The following PLB1 variants were observed in gnomAD, a reference collection of about 807,000 sequenced individuals.
PLB1 encodes phospholipase B1.
PLB1 carries 242 observed loss-of-function variants against 227.4 expected under a neutral mutation model. The ratio of observed to expected loss-of-function variants is 1.06; its 90% confidence interval spans 0.96 to 1.18. The LOEUF is 1.18. Ranked by LOEUF, PLB1 falls within the 50% of genes most tolerant of loss-of-function variation. PLB1 has a pLI of 0.00. For missense variants in PLB1, 1,858 were observed against 1,816.3 expected (o/e 1.02, Z -0.42); for synonymous variants, 757 against 682.2 (o/e 1.11, Z -1.71).
chr2:28,638,559 G>T (rs1219955016), intron 56 of PLB1, among the ~76,000 whole-genome samples: 1 of 152,064 alleles, frequency 6.6e-6, no homozygotes, highest in Non-Finnish European at 1.5e-5. Flanking sequence ...AGAGGAAGGG[G>T]GCTGAGAGTA....
chr2:28,535,477 C>G (rs899031501), intron 9 of PLB1, among the ~76,000 whole-genome samples: 14 of 152,374 alleles, frequency 9.2e-5, no homozygotes, highest in African/African-American at 3.4e-4. Flanking sequence ...CCACACTCAC[C>G]TCCTAGTGGT....
chr2:28,511,644 C>T (rs1382462149), intron 1 of PLB1, among the ~76,000 whole-genome samples: 1 of 152,164 alleles, frequency 6.6e-6, no homozygotes, highest in Non-Finnish European at 1.5e-5. Context: ...AGAACTACAC[C>T]TAGATACATA....
intron 17 of PLB1, among the ~76,000 whole-genome samples, chr2:28,562,051 G>A (rs1317461621): frequency 2.6e-5 from 4 of 152,150 alleles, no homozygotes; most frequent in African/African-American, 9.7e-5. Flanking sequence ...CAGAAAGCAA[G>A]TTTTTGGTTA....
intron 22 of PLB1, 73 bp from the exon 23 acceptor site, chr2:28,579,554 T>A: frequency 1.6e-6 from 2 of 1,216,488 alleles, no homozygotes. Flanking sequence ...TTTTCTAGTT[T>A]GCAAGCATTT....
intron 21 of PLB1, among the ~76,000 whole-genome samples, chr2:28,574,041 T>G (rs1678474358): frequency 1.3e-5 from 2 of 152,224 alleles, no homozygotes; most frequent in African/African-American, 4.8e-5. Context: ...TCAGCTTTCC[T>G]AGGTCCCATC....
chr2:28,496,388 C>T (rs1383091428), intron 1 of PLB1, among the ~76,000 whole-genome samples: 1 of 152,142 alleles, frequency 6.6e-6, no homozygotes, highest in East Asian at 1.9e-4. Flanking sequence ...GGGAGCGAGG[C>T]AGATCTTGGG....
intron 25 of PLB1, among the ~76,000 whole-genome samples, chr2:28,584,036 G>C (rs1324106061): frequency 6.6e-6 from 1 of 152,096 alleles, no homozygotes. Context: ...AGGTCACTGA[G>C]ACTGTGCTCC....
intron 43 of PLB1, 120 bp from the exon 44 acceptor site, chr2:28,613,911 A>G (rs753826247): frequency 4.8e-6 from 4 of 830,968 alleles, no homozygotes; most frequent in African/African-American, 1.7e-5. Context: ...AGTTCTTTCT[A>G]TATAAGTGCA....
Position 28,529,408 on chromosome 2 carries a change from G to T in PLB1, c.416+1G>T. On this transcript the variant is annotated splice_donor_variant, in intron 7 of 57. Coordinates refer to ENST00000327757, the MANE Select transcript of PLB1 (RefSeq NM_153021.5). LOFTEE classifies it high-confidence loss of function. ...GAGTCATACCCCACGATGGTGCTGAGTAAGTTCCCTTTCTGTCTCTCTCTG... is the reference window on the plus strand; with the variant it reads ...GAGTCATACCCCACGATGGTGCTGATTAAGTTCCCTTTCTGTCTCTCTCTG... 6.3e-7 allele frequency: 1 copy of T among 1,591,454 alleles called. No homozygotes were observed. Among genetic ancestry groups the T allele is most frequent in the Non-Finnish European group, 8.6e-7 (1 of 1,159,450 alleles).
At chr2:28,513,500 G>C (rs1668508773) in intron 1 of PLB1, among the ~76,000 whole-genome samples, 1 of 152,190 alleles carries the variant, frequency 6.6e-6, no homozygotes, top group South Asian at 2.1e-4. Context: ...CAGTGTCTTA[G>C]CCTCTTGGCT....
chr2:28,585,761 G>A lies in PLB1; in HGVS notation c.1734G>A (p.Arg578=), dbSNP rs112370759. 186 of 1,603,598 alleles carry A rather than the reference G, an allele frequency of 1.2e-4. 1 individual carries two copies. In the African/African-American group the frequency reaches 2.1e-3, roughly 18 times the overall value. The stretch of plus-strand genomic sequence containing the variant: ...GGTTTCTCTTTGGTTTGGTCTACAG[G>A]TCTCTGTGTCCCTGTGTCCTGAAGT... ...KKVYCPRMIL[R]SLCPCVLKFD... The change falls in exon 26 of 58, where the codon AGG becomes AGA. Residue 578 remains arginine, a splice_region_variant and synonymous_variant. Coordinates refer to ENST00000327757, the MANE Select transcript of PLB1 (RefSeq NM_153021.5).
intron 9 of PLB1, among the ~76,000 whole-genome samples, chr2:28,535,838 T>C (rs1165961683): frequency 2.0e-5 from 3 of 152,152 alleles, no homozygotes; most frequent in Non-Finnish European, 2.9e-5. Flanking sequence ...ACAGAATCAC[T>C]AAACCCAGGA....
intron 8 of PLB1, 31 bp downstream of exon 8, chr2:28,529,810 G>A: frequency 1.2e-6 from 2 of 1,609,890 alleles, no homozygotes; most frequent in Non-Finnish European, 1.7e-6. Flanking sequence ...GGCATGGCTG[G>A]GCTGCCTGGC....
rs548271227 is a variant in PLB1, at chr2:28,499,766, T to A, written c.55+3597T>A. ...CAGACGTGATGGCGGTTGCCTGTAATCCCAGCTGTTCGGGAGGTTGAGGCA... is the reference window on the plus strand; with the variant it reads ...CAGACGTGATGGCGGTTGCCTGTAAACCCAGCTGTTCGGGAGGTTGAGGCA... On this transcript the variant is annotated intron_variant, in intron 1 of 57. Coordinates refer to ENST00000327757, the MANE Select transcript of PLB1 (RefSeq NM_153021.5). 3.3e-5 allele frequency among the ~76,000 whole-genome samples: 5 copies of A among 152,214 alleles called. No individual in the cohort carries two copies. The East Asian group carries it at 9.7e-4, about 29-fold the overall frequency.
intron 56 of PLB1, among the ~76,000 whole-genome samples, chr2:28,634,902 C>G (rs1689115554): frequency 6.7e-6 from 1 of 149,700 alleles, no homozygotes; most frequent in Non-Finnish European, 1.5e-5. Flanking sequence ...TAGAGTGAGA[C>G]CCTATCTCAA....
At position 28,532,064 on chromosome 2, in the gene PLB1, G is replaced by T. The variant is rs768493989; in HGVS notation, c.469-44G>T. 3.4e-6 allele frequency: 5 copies of T among 1,477,916 alleles called. No homozygotes were observed. In the Admixed American group the frequency reaches 5.1e-5, roughly 15 times the overall value. 91.6% of individuals were successfully genotyped at this position (1,477,916 alleles called of 1,614,324 possible). A position where few individuals can be genotyped will look rare whatever the true frequency, so the allele number is the denominator to read the frequency against. On this transcript the variant is annotated intron_variant, in intron 8 of 57. Coordinates refer to ENST00000327757, the MANE Select transcript of PLB1 (RefSeq NM_153021.5). ...AACAAAGACATTATTTTGGTTCAAGGTCTTAACACAATCTCCTTTTCATGC... is the reference window on the plus strand; with the variant it reads ...AACAAAGACATTATTTTGGTTCAAGTTCTTAACACAATCTCCTTTTCATGC...
rs1299712628 is a variant in PLB1 at position 28,630,597 on chromosome 2, C to A, written c.3830C>A (p.Thr1277Asn). 1.2e-6 allele frequency: 2 copies of A among 1,613,726 alleles called. No homozygotes were observed. Among genetic ancestry groups the A allele is most frequent in the Non-Finnish European group, 1.7e-6 (2 of 1,179,772 alleles). The stretch of plus-strand genomic sequence containing the variant: ...TCCCTGTCTCACAGGAACAACTGCA[C>A]TTGCCTCAGACACTCGCAAAGCTCC... ...CAMLAAQNNC[T>N]CLRHSQSSLE... The change falls in exon 54 of 58, where the codon ACT (threonine) becomes AAT (asparagine). Residue 1277 changes from threonine to asparagine, a missense_variant. Thr to Asn is a moderately conservative substitution (Grantham distance 65, BLOSUM62 0). Coordinates refer to ENST00000327757, the MANE Select transcript of PLB1 (RefSeq NM_153021.5).
At chr2:28,529,519 A>T (rs1558678937) in intron 7 of PLB1, 112 bp downstream of exon 7, 1 of 1,041,208 alleles carries the variant, frequency 9.6e-7, no homozygotes. Context: ...AAATAGAAGT[A>T]TTTAAGTCAA....
chr2:28,517,866 TTCTC>T (rs1350084913), intron 2 of PLB1, among the ~76,000 whole-genome samples: 1 of 147,358 alleles, frequency 6.8e-6, no homozygotes, highest in Non-Finnish European at 1.5e-5. Flanking sequence ...TTCTAGAACT[TTCTC>T]TTTTTTTTTT....
Sources: allele counts gnomAD v4.1 joint callset (sites outside exome capture counted in the v4.1 genomes callset), GRCh38; gene constraint gnomAD v4.1.1; transcripts MANE v1.5; gene names NCBI Gene and HGNC (gene_info 2026-07-23, HGNC 2026-07-21).